Variants in RERE observed in about 807,000 individuals in gnomAD.
The protein encoded by RERE is arginine-glutamic acid dipeptide repeats, also known as arginine-glutamic acid dipeptide repeats protein.
RERE carries 40 observed loss-of-function variants against 146.1 expected under a neutral mutation model. That is an observed-to-expected ratio of 0.27 (90% confidence interval 0.21 to 0.36). The LOEUF is 0.36. Among genes scored for constraint, RERE ranks in the 10% least tolerant of loss-of-function variants. The probability of loss-of-function intolerance (pLI) is 1.00; values close to 1 mark genes in which losing one functional copy is unlikely to be tolerated. For synonymous variants in RERE, 1,003 were observed against 866.0 expected (o/e 1.16, Z -2.78); for missense variants, 1,933 against 2,138.7 (o/e 0.90, Z 1.90).
At chr1:8,514,116 G>A (rs1196001868) in intron 7 of RERE, among the ~76,000 whole-genome samples, 1 of 152,174 alleles carries the variant, frequency 6.6e-6, no homozygotes, top group Non-Finnish European at 1.5e-5. Flanking sequence ...AGAGTGGTGA[G>A]TACAAGCTTT....
At chr1:8,795,120 CG>C (rs1641443114) in intron 1 of RERE, among the ~76,000 whole-genome samples, 1 of 152,064 alleles carries the variant, frequency 6.6e-6, no homozygotes, top group South Asian at 2.1e-4. Flanking sequence ...CTCTGCCTCC[CG>C]GGTTTAGGTG....
At chr1:8,533,370 G>A (rs1645682722) in intron 7 of RERE, among the ~76,000 whole-genome samples, 4 of 152,214 alleles carry the variant, frequency 2.6e-5, no homozygotes, top group Middle Eastern at 3.4e-3. Flanking sequence ...AAGTTCTCGG[G>A]TGTGTCTTGC....
rs541587405 is a variant in RERE at position 8,586,972 on chromosome 1, T to C, written c.522+27589A>G. Reference sequence around the variant, plus strand: ...CCAGGAAACTAAAATTTAAGAATAATTCGGAAATATAAAAAGCAAAAAACA... The same window carrying C: ...CCAGGAAACTAAAATTTAAGAATAACTCGGAAATATAAAAAGCAAAAAACA... On this transcript the variant is annotated intron_variant, in intron 4 of 22. Coordinates refer to ENST00000400908, the MANE Select transcript of RERE (RefSeq NM_001042681.2). 3.3e-5 allele frequency among the ~76,000 whole-genome samples: 5 copies of C among 152,224 alleles called. No individual in the cohort carries two copies. In the East Asian group the frequency reaches 5.8e-4, roughly 18 times the overall value.
chr1:8,508,044 A>G (rs1645280730), intron 8 of RERE, among the ~76,000 whole-genome samples: 1 of 152,184 alleles, frequency 6.6e-6, no homozygotes, highest in Non-Finnish European at 1.5e-5. Flanking sequence ...TGGCTTTAAA[A>G]ATGTTTTAAA....
chr1:8,607,712 A>C (rs1470027092), intron 4 of RERE, among the ~76,000 whole-genome samples: 3 of 136,694 alleles, frequency 2.2e-5, no homozygotes, highest in South Asian at 2.3e-4. Flanking sequence ...CAGCCACACA[A>C]CACCATATCT....
intron 2 of RERE, among the ~76,000 whole-genome samples, chr1:8,628,009 G>C (rs1244776254): frequency 6.6e-6 from 1 of 152,168 alleles, no homozygotes; most frequent in Non-Finnish European, 1.5e-5. Context: ...ATAAGCATGA[G>C]AGAGATCCTC....
rs375315413 is a variant in RERE, at chr1:8,403,873, C to G, written c.1284+18854G>C. Among the ~76,000 whole-genome samples, 22 of 117,442 alleles carry G rather than the reference C, an allele frequency of 1.9e-4. 2 individuals carry two copies. The East Asian group carries it at 5.9e-3, about 32-fold the overall frequency. 77.0% of individuals were successfully genotyped at this position (117,442 alleles called of 152,430 possible). On this transcript the variant is annotated intron_variant, in intron 12 of 22. Transcript: ENST00000400908. ...TGAGATGGGAGTCTCACTCTGTCACCAGGCTGGAGTGCAGTGGTGCCATCT... is the reference window on the plus strand; with the variant it reads ...TGAGATGGGAGTCTCACTCTGTCACGAGGCTGGAGTGCAGTGGTGCCATCT...
At chr1:8,622,942 G>C (rs1646933884) in intron 3 of RERE, among the ~76,000 whole-genome samples, 1 of 151,976 alleles carries the variant, frequency 6.6e-6, no homozygotes, top group African/African-American at 2.4e-5. Flanking sequence ...AATTACAAAG[G>C]GTGTTGGAAA....
chr1:8,452,649 G>A (rs1024789719), intron 11 of RERE, among the ~76,000 whole-genome samples: 1 of 152,174 alleles, frequency 6.6e-6, no homozygotes, highest in Non-Finnish European at 1.5e-5. Flanking sequence ...AGAATTATGA[G>A]AGCAAACAGT....
Position 8,396,603 on chromosome 1 carries a change from C to T in RERE, c.1284+26124G>A, listed in dbSNP as rs146612245. 2.8e-3 allele frequency among the ~76,000 whole-genome samples: 431 copies of T among 152,152 alleles called. 3 individuals are homozygous for T. Among genetic ancestry groups the T allele is most frequent in the African/African-American group, 9.9e-3 (412 of 41,512 alleles). On this transcript the variant is annotated intron_variant, in intron 12 of 22. Coordinates refer to ENST00000400908, the MANE Select transcript of RERE (RefSeq NM_001042681.2). The stretch of plus-strand genomic sequence containing the variant: ...AATTTTAACAGCATGAAGTATTGCC[C>T]GCTTTGTAATTATACTTCCAAAGGT...
rs574356233 is a variant in RERE, at chr1:8,744,386, C to T, written c.-145+72774G>A. Among the ~76,000 whole-genome samples, 26 of 152,294 alleles carry T rather than the reference C, an allele frequency of 1.7e-4. 1 individual carries two copies. In the South Asian group the frequency reaches 5.4e-3, roughly 32 times the overall value. On this transcript the variant is annotated intron_variant, in intron 1 of 22. Transcript: ENST00000400908. ...ATAACATTATGAGGGTCACACTAAC[C>T]ACAGGGAGAATTCCGTTTCACCTTT...
intron 1 of RERE, among the ~76,000 whole-genome samples, chr1:8,706,251 T>C (rs1639559768): frequency 6.6e-6 from 1 of 151,964 alleles, no homozygotes; most frequent in African/African-American, 2.4e-5. Flanking sequence ...CCTAGGAGTT[T>C]GAGTCCAGCA....
At chr1:8,776,662 T>C (rs1024824720) in intron 1 of RERE, among the ~76,000 whole-genome samples, 5 of 152,174 alleles carry the variant, frequency 3.3e-5, no homozygotes, top group African/African-American at 1.2e-4. Flanking sequence ...AACTAAGTTT[T>C]CCTCTTTCCT....
intron 10 of RERE, among the ~76,000 whole-genome samples, chr1:8,470,924 T>C (rs549157247): frequency 7.2e-6 from 1 of 138,820 alleles, no homozygotes; most frequent in South Asian, 2.4e-4. Flanking sequence ...GTTCAAGCGA[T>C]TCTCCTGCCT....
In RERE at chr1:8,465,988, C is replaced by G. The variant is rs138997557; in HGVS notation, c.1140G>C (p.Leu380=). 1.2e-5 allele frequency: 20 copies of G among 1,613,544 alleles called. No individual in the cohort carries two copies. The African/African-American group carries it at 2.3e-4, about 18-fold the overall frequency. The change falls in exon 11 of 23, where the codon CTG becomes CTC. Residue 380 remains leucine, a synonymous_variant. Transcript: ENST00000400908. The part of the protein sequence containing the change: ...HESGYDAGKA[L]QRLVKKPVPK... ...GCACAGGCTTCTTCACCAGGCGCTG[C>G]AGGGCTTTGCCAGCATCGTAACCGC...
chr1:8,490,019 A>G (rs1426183612), intron 10 of RERE, among the ~76,000 whole-genome samples: 1 of 145,672 alleles, frequency 6.9e-6, no homozygotes, highest in Non-Finnish European at 1.5e-5. Context: ...CACTCACTGC[A>G]CTCTAGCCTG....
At chr1:8,385,428 AAGGG>A (rs1642602394) in intron 12 of RERE, among the ~76,000 whole-genome samples, 1 of 152,176 alleles carries the variant, frequency 6.6e-6, no homozygotes, top group Non-Finnish European at 1.5e-5. Context: ...CAACTGATCC[AAGGG>A]AGACCCTGGA....
chr1:8,520,977 G>C (rs1327967161), intron 7 of RERE, among the ~76,000 whole-genome samples: 2 of 151,704 alleles, frequency 1.3e-5, no homozygotes, highest in Non-Finnish European at 2.9e-5. Context: ...GTCCCCTCAG[G>C]GAAATGTTAT....
chr1:8,759,876 C>CACACA (rs1294214023), intron 1 of RERE, among the ~76,000 whole-genome samples: 1 of 150,692 alleles, frequency 6.6e-6, no homozygotes, highest in African/African-American at 2.5e-5. Context: ...CACACACACA[C>CACACA]AATATGTCTT....
Sources: gnomAD v4.1 joint callset for allele counts (sites outside exome capture counted in the v4.1 genomes callset) on GRCh38, gnomAD v4.1.1 for gene constraint, MANE v1.5 for transcripts, NCBI Gene and HGNC (gene_info 2026-07-23, HGNC 2026-07-21) for gene names.